PDCD6IP: variants seen among roughly 807,000 people sequenced by gnomAD.
PDCD6IP encodes the protein programmed cell death 6-interacting protein.
A neutral mutation model predicts 103.7 loss-of-function variants in PDCD6IP; 43 were observed. That is an observed-to-expected ratio of 0.41 (90% CI 0.32 to 0.53). The LOEUF (loss-of-function observed/expected upper bound fraction) is 0.53. Ranked by LOEUF, PDCD6IP falls within the 20% of genes least tolerant of loss-of-function variation. The pLI, the probability that PDCD6IP is intolerant of heterozygous loss-of-function variation, is 0.16. For synonymous variants in PDCD6IP, 354 were observed against 378.7 expected, an observed-to-expected ratio of 0.93 and a Z score of 0.76; for missense variants, 871 against 1,036.7, an observed-to-expected ratio of 0.84 and a Z score of 2.20.
intron 4 of PDCD6IP, 62 bp from the exon 5 acceptor site, chr3:33,825,125 G>A: frequency 7.2e-7 from 1 of 1,390,616 alleles, no homozygotes; most frequent in Admixed American, 2.1e-5. Context: ...ACTTTTATAT[G>A]TAACAGTAGG....
intron 3 of PDCD6IP, among the ~76,000 whole-genome samples, chr3:33,814,645 A>AATGTGTATTATATATGCATGTATGTATAT (rs1696798683): frequency 7.1e-6 from 1 of 140,454 alleles, no homozygotes; most frequent in Non-Finnish European, 1.5e-5. Flanking sequence ...GTGCATATAT[A>AATGTGTATTATATATGCATGTATGTATAT]ATGTGTATTA....
intron 12 of PDCD6IP, among the ~76,000 whole-genome samples, chr3:33,851,692 C>A (rs1396179226): frequency 1.3e-5 from 2 of 151,832 alleles, no homozygotes; most frequent in South Asian, 4.2e-4. Context: ...AGGCTGATCT[C>A]GAACTCCTAG....
chr3:33,826,776 CT>C (rs1467243132), intron 6 of PDCD6IP, 196 bp downstream of exon 6: 1 of 1,332,358 alleles, frequency 7.5e-7, no homozygotes, highest in East Asian at 3.0e-5. Flanking sequence ...TAGGGGATGC[CT>C]TTGTCTTTAC....
intron 12 of PDCD6IP, among the ~76,000 whole-genome samples, chr3:33,848,917 C>T (rs1238985174): frequency 2.6e-5 from 4 of 152,026 alleles, no homozygotes; most frequent in Admixed American, 2.0e-4. Context: ...GAAAAAAAGT[C>T]AAAAGAATGT....
At position 33,825,326 on chromosome 3, in the gene PDCD6IP, T is replaced by A. The variant is rs1697095666; in HGVS notation, c.602T>A (p.Leu201Ter). 1 of 1,600,090 alleles carries A rather than the reference T, an allele frequency of 6.2e-7. No individual in the cohort carries two copies. Among genetic ancestry groups the A allele is most frequent in the Non-Finnish European group, 8.5e-7 (1 of 1,176,638 alleles). The change falls in exon 5 of 18, where the codon TTA (leucine) becomes TAA (stop). Residue 201 changes from leucine (L) to a stop codon, truncating the protein, a stop_gained. Transcript: ENST00000307296. LOFTEE classifies it high-confidence loss of function. ...GCACAGGCTCAAGAAGTATTTTTTT[T>A]AAAAGCCACAAGAGGTAACTCCAAT... ...MLAQAQEVFF[L>*]KATRDKMKDA...
intron 3 of PDCD6IP, among the ~76,000 whole-genome samples, chr3:33,818,932 C>T (rs1470614469): frequency 2.0e-5 from 3 of 152,120 alleles, no homozygotes; most frequent in Non-Finnish European, 4.4e-5. Flanking sequence ...CTTTATCTTT[C>T]ATGTTTAGAA....
chr3:33,815,656 T>G (rs146626600), intron 3 of PDCD6IP, among the ~76,000 whole-genome samples: 4 of 152,286 alleles, frequency 2.6e-5, no homozygotes, highest in African/African-American at 9.6e-5. Context: ...TGAAGTTGAC[T>G]GAATTTGCTG....
intron 7 of PDCD6IP, 22 bp from the exon 8 acceptor site, chr3:33,836,022 T>G: frequency 2.4e-6 from 3 of 1,264,036 alleles, no homozygotes; most frequent in Non-Finnish European, 3.4e-6. Context: ...TTTTTTTTTG[T>G]TGTTGACGTT....
intron 12 of PDCD6IP, among the ~76,000 whole-genome samples, chr3:33,849,525 A>T (rs1322392369): frequency 5.8e-5 from 8 of 136,938 alleles, no homozygotes; most frequent in Non-Finnish European, 1.1e-4. Flanking sequence ...GGTACCCAAA[A>T]CAAAAGTATT....
intron 15 of PDCD6IP, among the ~76,000 whole-genome samples, chr3:33,863,460 C>T (rs978477475): frequency 2.0e-5 from 3 of 152,190 alleles, no homozygotes; most frequent in Non-Finnish European, 2.9e-5. Flanking sequence ...TAGTAACCAT[C>T]ATTCTACTCT....
chr3:33,805,922 T>A (rs536082658), intron 1 of PDCD6IP, among the ~76,000 whole-genome samples: 61 of 152,088 alleles, frequency 4.0e-4, no homozygotes, highest in African/African-American at 1.3e-3. Flanking sequence ...TTTTTTTGTG[T>A]TTTTAGTAGA....
Position 33,838,218 on chromosome 3 carries a change from A to G in PDCD6IP, c.1072A>G (p.Met358Val). 1 of 1,613,554 alleles carries G rather than the reference A, an allele frequency of 6.2e-7. No homozygotes were observed. The highest frequency in any genetic ancestry group is 1.3e-5 in the African/African-American group (1 of 75,022). Residue 358 changes from methionine to valine, a missense_variant, in exon 9 of 18, where the codon ATG becomes GTG. By Grantham distance (21) the Met-to-Val change is conservative (BLOSUM62 1). Coordinates refer to ENST00000307296, the MANE Select transcript of PDCD6IP (RefSeq NM_013374.6). ...SQKFTDLFEK[M>V]VPVSVQQSLA... is the part of the protein sequence containing the mutation. Reference sequence around the variant, plus strand: ...CCTAATTTTAGATCTGTTTGAGAAGATGGTTCCCGTGTCAGTACAGCAGTC... The same window carrying G: ...CCTAATTTTAGATCTGTTTGAGAAGGTGGTTCCCGTGTCAGTACAGCAGTC...
At position 33,848,253 on chromosome 3, in the gene PDCD6IP, C is replaced by T. The variant is rs187986022; in HGVS notation, c.1641+2665C>T. On this transcript the variant is annotated intron_variant, in intron 12 of 17. Transcript: ENST00000307296. Reference sequence around the variant, plus strand: ...TACCTTGGTCCCTAACATAAAGAGACAAAAAACTCCTCTAGGTTACCTTTA... The same window carrying T: ...TACCTTGGTCCCTAACATAAAGAGATAAAAAACTCCTCTAGGTTACCTTTA... Among the ~76,000 whole-genome samples the T allele has an allele frequency of 1.8e-3, 276 of 152,182 alleles. 1 individual carries two copies. Among genetic ancestry groups the T allele is most frequent in the African/African-American group, 6.1e-3 (254 of 41,530 alleles).
At chr3:33,830,295 A>G (rs749288350) in intron 7 of PDCD6IP, among the ~76,000 whole-genome samples, 5 of 152,172 alleles carry the variant, frequency 3.3e-5, no homozygotes, top group Admixed American at 6.5e-5. Flanking sequence ...GATTCTGAAC[A>G]AGGAATTTGT....
intron 12 of PDCD6IP, among the ~76,000 whole-genome samples, chr3:33,851,849 T>C (rs555382715): frequency 1.4e-4 from 22 of 152,332 alleles, no homozygotes; most frequent in Non-Finnish European, 2.6e-4. Context: ...TATACACTTA[T>C]ATCTGTATCT....
At chr3:33,842,779 C>T (rs1390863644) in intron 10 of PDCD6IP, among the ~76,000 whole-genome samples, 1 of 152,176 alleles carries the variant, frequency 6.6e-6, no homozygotes, top group East Asian at 1.9e-4. Context: ...GACATTGGTA[C>T]AGTATTATTA....
chr3:33,818,097 G>GTTTTTTTTTTTTTTTTTTTTTTTT (rs756780125), intron 3 of PDCD6IP, among the ~76,000 whole-genome samples: 1 of 68,086 alleles, frequency 1.5e-5, no homozygotes, highest in Non-Finnish European at 2.5e-5. Context: ...TTTCATTCTT[G>GTTTTTTTTTTTTTTTTTTTTTTTT]TTTTTTTTTT....
intron 1 of PDCD6IP, among the ~76,000 whole-genome samples, chr3:33,808,709 G>C (rs1194328363): frequency 6.6e-6 from 1 of 152,186 alleles, no homozygotes; most frequent in Non-Finnish European, 1.5e-5. Flanking sequence ...CCTGCAGTCA[G>C]TTTTCTACAC....
At chr3:33,831,748 A>G (rs1697249372) in intron 7 of PDCD6IP, among the ~76,000 whole-genome samples, 1 of 147,498 alleles carries the variant, frequency 6.8e-6, no homozygotes, top group Non-Finnish European at 1.5e-5. Context: ...AATAGAAGCA[A>G]ATATATACAT....
Sources: allele counts gnomAD v4.1 joint callset (sites outside exome capture counted in the v4.1 genomes callset), GRCh38; gene constraint gnomAD v4.1.1; transcripts MANE v1.5; gene names NCBI Gene and HGNC (gene_info 2026-07-23, HGNC 2026-07-21).